The following RALYL variants were observed in gnomAD, a reference collection of about 807,000 sequenced individuals.
RALYL encodes the protein RNA-binding Raly-like protein.
A neutral mutation model predicts 35.1 loss-of-function variants in RALYL; 29 were observed. The observed-to-expected ratio is 0.83, with a 90% confidence interval of 0.61 to 1.13. RALYL has a LOEUF of 1.13. Among genes scored for constraint, RALYL ranks in the 50% most tolerant of loss-of-function variants. The probability of loss-of-function intolerance (pLI) is 0.00; values close to 1 mark genes in which losing one functional copy is unlikely to be tolerated. For missense variants in RALYL, 359 were observed against 360.4 expected (o/e 1.00, Z 0.03); for synonymous variants, 120 against 127.6 (o/e 0.94, Z 0.40).
At chr8:84,345,175 G>A (rs1053219917) in intron 1 of RALYL, among the ~76,000 whole-genome samples, 13 of 150,136 alleles carry the variant, frequency 8.7e-5, no homozygotes, top group Admixed American at 6.0e-4. Context: ...CCAACAGTGT[G>A]CAAGGGTTCC....
chr8:84,437,745 G>A (rs187772626), intron 1 of RALYL, among the ~76,000 whole-genome samples: 2 of 152,202 alleles, frequency 1.3e-5, no homozygotes, highest in Admixed American at 1.3e-4. Flanking sequence ...TCATGATAGT[G>A]AGCTCTTGAG....
At chr8:84,305,612 G>T (rs1841631981) in intron 1 of RALYL, among the ~76,000 whole-genome samples, 1 of 152,206 alleles carries the variant, frequency 6.6e-6, no homozygotes, top group Non-Finnish European at 1.5e-5. Flanking sequence ...TAGAGGCATA[G>T]ATTGGATTAG....
At position 84,689,787 on chromosome 8, in the gene RALYL, A is replaced by T. The variant is rs185661892; in HGVS notation, c.257-84792A>T. Reference sequence around the variant, plus strand: ...TTGCCATTCTAACTGGTGTGAGATGATATCTCATTATGGTTTTGATTTGCA... The same window carrying T: ...TTGCCATTCTAACTGGTGTGAGATGTTATCTCATTATGGTTTTGATTTGCA... On this transcript the variant is annotated intron_variant, in intron 2 of 8. Coordinates refer to ENST00000521268, the MANE Select transcript of RALYL (RefSeq NM_173848.7). Among the ~76,000 whole-genome samples the T allele has an allele frequency of 4.7e-3, 712 of 152,212 alleles. 1 individual carries two copies. The highest frequency in any genetic ancestry group is 9.1e-3 in the Non-Finnish European group (617 of 67,998).
intron 4 of RALYL, among the ~76,000 whole-genome samples, chr8:84,809,915 A>G (rs1825533898): frequency 6.6e-6 from 1 of 152,070 alleles, no homozygotes; most frequent in South Asian, 2.1e-4. Context: ...AGTTGTATTT[A>G]TCTTTTCAAA....
At chr8:84,419,960 G>C (rs977541005) in intron 1 of RALYL, among the ~76,000 whole-genome samples, 4 of 150,902 alleles carry the variant, frequency 2.7e-5, no homozygotes, top group Admixed American at 1.3e-4. Flanking sequence ...GGACATTTGG[G>C]TTGGTTCCAA....
At chr8:84,456,931 A>G (rs2050201127) in intron 1 of RALYL, among the ~76,000 whole-genome samples, 1 of 151,976 alleles carries the variant, frequency 6.6e-6, no homozygotes, top group Admixed American at 6.6e-5. Context: ...CAATTTTAGG[A>G]GTCGCTTTGA....
intron 2 of RALYL, among the ~76,000 whole-genome samples, chr8:84,632,583 CTG>C (rs112708469): frequency 0.041 from 5,980 of 144,710 alleles, 328 homozygotes; most frequent in African/African-American, 0.13. Flanking sequence ...TTATATAGAC[CTG>C]TGTGTGTGTG....
intron 2 of RALYL, among the ~76,000 whole-genome samples, chr8:84,567,970 T>A (rs572204856): frequency 1.3e-5 from 2 of 151,950 alleles, no homozygotes; most frequent in South Asian, 4.1e-4. Flanking sequence ...TGTTGAGCAT[T>A]CTTTTCATGT....
chr8:84,720,204 A>G (rs1434154083), intron 2 of RALYL, among the ~76,000 whole-genome samples: 1 of 152,176 alleles, frequency 6.6e-6, no homozygotes. Flanking sequence ...TAGCCAAAGC[A>G]ATCTTAGGCA....
intron 1 of RALYL, among the ~76,000 whole-genome samples, chr8:84,425,328 A>C (rs1327364206): frequency 1.3e-5 from 2 of 151,650 alleles, no homozygotes; most frequent in African/African-American, 4.8e-5. Flanking sequence ...TGCGTCCGTC[A>C]CCCCTTTCTT....
intron 8 of RALYL, among the ~76,000 whole-genome samples, chr8:84,894,238 C>T (rs1056032395): frequency 2.0e-5 from 3 of 152,076 alleles, no homozygotes; most frequent in Admixed American, 2.0e-4. Context: ...TGGATGATCC[C>T]CCTTATCAAC....
chr8:84,578,445 G>A (rs376527140), intron 2 of RALYL, among the ~76,000 whole-genome samples: 1 of 152,232 alleles, frequency 6.6e-6, no homozygotes, highest in South Asian at 2.1e-4. Flanking sequence ...CAGGGGTGAT[G>A]TTTCAGCCCT....
chr8:84,399,982 C>T (rs986255542), intron 1 of RALYL, among the ~76,000 whole-genome samples: 55 of 152,084 alleles, frequency 3.6e-4, no homozygotes, highest in African/African-American at 1.3e-3. Flanking sequence ...CCAGGCATGG[C>T]GGCACATGCC....
At position 84,873,389 on chromosome 8, in the gene RALYL, C is replaced by A. The variant is rs1050792004; in HGVS notation, c.677C>A (p.Ala226Glu). Residue 226 changes from alanine to glutamate, a missense_variant, in exon 7 of 9, where the codon GCG becomes GAG. Transcript: ENST00000521268. ...GAGAAGATTGAGAAACAGCAGAAGG[C>A]GGAGGCAGGTAAGTGATCTCTGATC... The part of the protein sequence containing the change: ...RLEKIEKQQK[A>E]EAEAQKKQLE... 14 of 1,584,388 alleles carry A rather than the reference C, an allele frequency of 8.8e-6. No individual in the cohort carries two copies. Among genetic ancestry groups the A allele is most frequent in the African/African-American group, 2.7e-5 (2 of 74,254 alleles).
intron 2 of RALYL, among the ~76,000 whole-genome samples, chr8:84,593,212 A>G (rs1813693467): frequency 6.6e-6 from 1 of 151,908 alleles, no homozygotes; most frequent in South Asian, 2.1e-4. Flanking sequence ...TCTCCCCTGT[A>G]TGTCTGGTCT....
chr8:84,210,655 A>G (rs2131157342), intron 1 of RALYL, among the ~76,000 whole-genome samples: 1 of 152,314 alleles, frequency 6.6e-6, no homozygotes, highest in Middle Eastern at 3.4e-3. Flanking sequence ...ATACATTGGC[A>G]CAATCCATGC....
Position 84,251,992 on chromosome 8 carries a change from G to A in RALYL, c.-24+67568G>A, listed in dbSNP as rs1830287561. On this transcript the variant is annotated intron_variant, in intron 1 of 8. Coordinates refer to ENST00000521268, the MANE Select transcript of RALYL (RefSeq NM_173848.7). The stretch of plus-strand genomic sequence containing the variant: ...TATATTTCTCTATTAATGTTAATGA[G>A]GATATTATATCAACTTAATGTATAT... 2.0e-5 allele frequency among the ~76,000 whole-genome samples: 3 copies of A among 151,834 alleles called. No homozygotes were observed. The South Asian group carries it at 6.2e-4, about 32-fold the overall frequency.
chr8:84,569,489 C>T (rs923275611), intron 2 of RALYL, among the ~76,000 whole-genome samples: 6 of 151,464 alleles, frequency 4.0e-5, no homozygotes, highest in African/African-American at 1.5e-4. Flanking sequence ...ATTATTAGTC[C>T]TTTGTTGGAG....
chr8:84,552,681 C>T (rs531512475), intron 2 of RALYL, among the ~76,000 whole-genome samples: 1 of 151,792 alleles, frequency 6.6e-6, no homozygotes, highest in Admixed American at 6.6e-5. Context: ...CTGATTTTGG[C>T]TCTTTGTTTT....
Sources: gnomAD v4.1 joint callset for allele counts (sites outside exome capture counted in the v4.1 genomes callset) on GRCh38, gnomAD v4.1.1 for gene constraint, MANE v1.5 for transcripts, NCBI Gene and HGNC (gene_info 2026-07-23, HGNC 2026-07-21) for gene names.